Variants in C1GALT1 observed in about 807,000 individuals in gnomAD.
C1GALT1 encodes core 1 synthase, glycoprotein-N-acetylgalactosamine 3-beta-galactosyltransferase 1.
Under a neutral mutation model 31.0 loss-of-function variants are expected in C1GALT1, and 11 were observed. The ratio of observed to expected loss-of-function variants is 0.36; its 90% CI spans 0.22 to 0.59. C1GALT1 has a LOEUF of 0.59. Ranked by LOEUF, C1GALT1 falls within the 20% of genes least tolerant of loss-of-function variation. The probability of loss-of-function intolerance (pLI) is 0.79; values close to 1 mark genes in which losing one functional copy is unlikely to be tolerated. For synonymous variants in C1GALT1, 175 were observed against 143.6 expected (o/e 1.22, Z -1.56); for missense variants, 424 against 425.2 (o/e 1.00, Z 0.03).
intron 1 of C1GALT1, among the ~76,000 whole-genome samples, chr7:7,220,525 T>C (rs1289297822): frequency 1.4e-5 from 2 of 144,844 alleles, no homozygotes; most frequent in Non-Finnish European, 3.1e-5. Context: ...GTATCTTTAT[T>C]CTTTTTTTTT....
At chr7:7,160,131 C>A (rs946690869) in intron 2 of C1GALT1, among the ~76,000 whole-genome samples, 1 of 152,142 alleles carries the variant, frequency 6.6e-6, no homozygotes, top group African/African-American at 2.4e-5. Flanking sequence ...ACATGTGTGT[C>A]CTTCTTGTCC....
chr7:7,243,757 T>C lies in C1GALT1; in HGVS notation c.*30T>C. On this transcript the variant is annotated 3_prime_UTR_variant, in exon 4 of 4. Transcript: ENST00000436587. Reference sequence around the variant, plus strand: ...AAATCATGAATGAACAAAGGTAATATGTCTAGCACTGCACTGAAAAAGGAC... The same window carrying C: ...AAATCATGAATGAACAAAGGTAATACGTCTAGCACTGCACTGAAAAAGGAC... 1 of 1,473,114 alleles carries C rather than the reference T, an allele frequency of 6.8e-7. No homozygotes were observed. Among genetic ancestry groups the C allele is most frequent in the Non-Finnish European group, 9.2e-7 (1 of 1,083,578 alleles). The allele number at this position is 1,473,114 out of a possible 1,614,324, so 91.3% of individuals were successfully genotyped here. A position where few individuals can be genotyped will look rare whatever the true frequency, so the allele number is the denominator to read the frequency against.
rs1783919001 is a variant in C1GALT1 at position 7,248,080 on chromosome 7, CAT to C, written c.*4355_*4356del. On this transcript the variant is annotated 3_prime_UTR_variant, in exon 4 of 4. Coordinates refer to ENST00000436587, the MANE Select transcript of C1GALT1 (RefSeq NM_020156.5). ...TACTTTATAGTAGGCCTGACAGAAACATAGTGAAGCAATCTGGGAGGCAACCT... is the reference window on the plus strand; with the variant it reads ...TACTTTATAGTAGGCCTGACAGAAACAGTGAAGCAATCTGGGAGGCAACCT... 1 of 151,934 alleles carries C rather than the reference CAT, an allele frequency of 6.6e-6. No individual in the cohort carries two copies. Among genetic ancestry groups the C allele is most frequent in the Admixed American group, 6.6e-5 (1 of 15,252 alleles). The allele number at this position is 151,934 out of a possible 1,614,324, so 9.4% of individuals were successfully genotyped here. A position where few individuals can be genotyped will look rare whatever the true frequency, so the allele number is the denominator to read the frequency against.
chr7:7,161,180 T>C (rs1780329664), intron 2 of C1GALT1, among the ~76,000 whole-genome samples: 1 of 152,160 alleles, frequency 6.6e-6, no homozygotes. Context: ...CATAGCTCTA[T>C]TGACATGTAA....
intron 1 of C1GALT1, among the ~76,000 whole-genome samples, chr7:7,198,149 G>C (rs576488793): frequency 1.1e-4 from 17 of 152,234 alleles, no homozygotes; most frequent in East Asian, 3.9e-4. Context: ...TTTGCCCATT[G>C]AGTATGATAT....
intron 1 of C1GALT1, among the ~76,000 whole-genome samples, chr7:7,187,932 G>A (rs1217485809): frequency 6.6e-6 from 1 of 152,146 alleles, no homozygotes; most frequent in African/African-American, 2.4e-5. Context: ...TTTTTGTCTT[G>A]TAGGCAGTGG....
At chr7:7,173,659 T>A (rs1042069222) in intron 2 of C1GALT1, among the ~76,000 whole-genome samples, 1 of 152,162 alleles carries the variant, frequency 6.6e-6, no homozygotes, top group Non-Finnish European at 1.5e-5. Context: ...TCCCAGCACT[T>A]TGGGAGGCCA....
chr7:7,233,145 A>G (rs1046979966), intron 1 of C1GALT1, among the ~76,000 whole-genome samples: 2 of 152,128 alleles, frequency 1.3e-5, no homozygotes, highest in African/African-American at 2.4e-5. Context: ...GTTTATGTCA[A>G]TGTTTGGTTG....
chr7:7,219,068 A>G (rs1327441799), intron 1 of C1GALT1, among the ~76,000 whole-genome samples: 3 of 151,930 alleles, frequency 2.0e-5, no homozygotes, highest in African/African-American at 4.8e-5. Flanking sequence ...CGATCTCCTG[A>G]CCTTCGTGAT....
chr7:7,247,135 T>TA lies in C1GALT1; in HGVS notation c.*3409dup, dbSNP rs1562606193. 6.6e-6 allele frequency: 1 copy of TA among 152,208 alleles called. No homozygotes were observed. The highest frequency in any genetic ancestry group is 6.5e-5 in the Admixed American group (1 of 15,292). The allele number at this position is 152,208 out of a possible 1,614,324, so 9.4% of individuals were successfully genotyped here. On this transcript the variant is annotated 3_prime_UTR_variant, in exon 4 of 4. Coordinates refer to ENST00000436587, the MANE Select transcript of C1GALT1 (RefSeq NM_020156.5). ...AAGTAGTAAATGCTGTTTTATAACATACATTTTTCTGCTAATTCATTCTGT... is the reference window on the plus strand; with the variant it reads ...AAGTAGTAAATGCTGTTTTATAACATAACATTTTTCTGCTAATTCATTCTGT...
chr7:7,186,595 G>A (rs529720481), intron 1 of C1GALT1, among the ~76,000 whole-genome samples: 1 of 152,316 alleles, frequency 6.6e-6, no homozygotes, highest in East Asian at 1.9e-4. Flanking sequence ...AGATGAATAA[G>A]TAAAATAATA....
intron 2 of C1GALT1, among the ~76,000 whole-genome samples, chr7:7,158,826 G>A (rs890846542): frequency 2.0e-5 from 3 of 151,332 alleles, no homozygotes; most frequent in Middle Eastern, 3.2e-3. Flanking sequence ...TTCCCTTTTT[G>A]CCTACCCAAA....
At chr7:7,219,044 A>G (rs1782386313) in intron 1 of C1GALT1, among the ~76,000 whole-genome samples, 1 of 151,970 alleles carries the variant, frequency 6.6e-6, no homozygotes, top group Non-Finnish European at 1.5e-5. Context: ...TCACCATGTT[A>G]GCCAGGATGG....
At position 7,212,602 on chromosome 7, in the gene C1GALT1, C is replaced by G. The variant is rs182437019; in HGVS notation, c.-17-21701C>G. ...AACAAGGCTGTTTATTCACTTGGGTCCAAGTGGGCTGAGTCAGAGAAAGGA... is the reference window on the plus strand; with the variant it reads ...AACAAGGCTGTTTATTCACTTGGGTGCAAGTGGGCTGAGTCAGAGAAAGGA... On this transcript the variant is annotated intron_variant, in intron 1 of 3. Coordinates refer to ENST00000436587, the MANE Select transcript of C1GALT1 (RefSeq NM_020156.5). 6.3e-3 allele frequency among the ~76,000 whole-genome samples: 955 copies of G among 152,116 alleles called. 12 individuals are homozygous for G. Among genetic ancestry groups the G allele is most frequent in the African/African-American group, 0.022 (915 of 41,490 alleles).
At chr7:7,213,909 T>C (rs995170252) in intron 1 of C1GALT1, among the ~76,000 whole-genome samples, 5 of 152,150 alleles carry the variant, frequency 3.3e-5, no homozygotes, top group Admixed American at 3.3e-4. Context: ...GACACTGTAG[T>C]TCTTCTACCA....
chr7:7,243,851 C>T lies in C1GALT1; in HGVS notation c.*124C>T. On this transcript the variant is annotated 3_prime_UTR_variant, in exon 4 of 4. Transcript: ENST00000436587. ...TCTAAGTGAACATTCCTTATAGAAA[C>T]CTTTCACATGAATGACTATAAACTG... 1.5e-6 allele frequency: 1 copy of T among 676,160 alleles called. No homozygotes were observed. Among genetic ancestry groups the T allele is most frequent in the Non-Finnish European group, 2.4e-6 (1 of 417,288 alleles). 41.9% of individuals were successfully genotyped at this position (676,160 alleles called of 1,614,324 possible).
chr7:7,224,857 TAGTGTATTTA>T (rs1782681803), intron 1 of C1GALT1, among the ~76,000 whole-genome samples: 1 of 152,070 alleles, frequency 6.6e-6, no homozygotes, highest in African/African-American at 2.4e-5. Flanking sequence ...TATTTAAGCA[TAGTGTATTTA>T]AGTGTATTAA....
intron 1 of C1GALT1, among the ~76,000 whole-genome samples, chr7:7,202,777 A>C (rs1321059592): frequency 6.6e-6 from 1 of 152,196 alleles, no homozygotes; most frequent in Non-Finnish European, 1.5e-5. Context: ...TTGGGATTTC[A>C]GTAGGAACTG....
intron 1 of C1GALT1, among the ~76,000 whole-genome samples, chr7:7,214,571 C>G (rs1010541042): frequency 2.0e-5 from 3 of 152,168 alleles, no homozygotes; most frequent in Non-Finnish European, 4.4e-5. Flanking sequence ...TTTCGGCTTT[C>G]GAACTTTCGA....
Sources: allele counts gnomAD v4.1 joint callset (sites outside exome capture counted in the v4.1 genomes callset), GRCh38; gene constraint gnomAD v4.1.1; transcripts MANE v1.5; gene names NCBI Gene and HGNC (gene_info 2026-07-23, HGNC 2026-07-21).